TMEM108: variants seen among roughly 807,000 people sequenced by gnomAD.
TMEM108 encodes the protein cancer/testis antigen 124.
TMEM108 carries 12 observed loss-of-function variants against 35.1 expected under a neutral mutation model. The observed-to-expected ratio is 0.34, with a 90% CI of 0.22 to 0.55. TMEM108 has a LOEUF of 0.55. TMEM108 is among the 20% of genes least tolerant of loss of function. TMEM108 has a pLI of 0.89. For missense variants in TMEM108, 680 were observed against 753.3 expected, an observed-to-expected ratio of 0.90 and a Z score of 1.14; for synonymous variants, 287 against 308.6, an observed-to-expected ratio of 0.93 and a Z score of 0.73.
chr3:133,261,867 T>A (rs7648973), intron 3 of TMEM108, among the ~76,000 whole-genome samples: 50,930 of 152,094 alleles, frequency 0.33, 8,977 homozygotes, highest in East Asian at 0.48. Context: ...TATAGTTAGC[T>A]CAGTGTAAAG....
rs528135536 is a variant in TMEM108 at position 133,392,199 on chromosome 3, G to A, written c.1605+1865G>A. Among the ~76,000 whole-genome samples, 5 of 150,330 alleles carry A rather than the reference G, an allele frequency of 3.3e-5. No individual in the cohort carries two copies. In the South Asian group the frequency reaches 6.3e-4, roughly 19 times the overall value. Reference sequence around the variant, plus strand: ...TTTTTTGAGATGAAGTCTCAACTCCGTTGCCCAGACTGGAGTGCAGTGGTG... The same window carrying A: ...TTTTTTGAGATGAAGTCTCAACTCCATTGCCCAGACTGGAGTGCAGTGGTG... On this transcript the variant is annotated intron_variant, in intron 5 of 5. Coordinates refer to ENST00000321871, the MANE Select transcript of TMEM108 (RefSeq NM_023943.4).
intron 3 of TMEM108, among the ~76,000 whole-genome samples, chr3:133,335,839 C>T (rs907269217): frequency 1.3e-5 from 2 of 152,186 alleles, no homozygotes; most frequent in African/African-American, 2.4e-5. Flanking sequence ...ACCGATGGTA[C>T]CCTTCCCTCA....
intron 3 of TMEM108, among the ~76,000 whole-genome samples, chr3:133,232,640 T>A (rs1285496119): frequency 1.3e-5 from 2 of 152,228 alleles, no homozygotes; most frequent in Non-Finnish European, 2.9e-5. Flanking sequence ...TCACTGAGGC[T>A]TGTATGTGCC....
intron 2 of TMEM108, among the ~76,000 whole-genome samples, chr3:133,108,663 C>G (rs1944188397): frequency 1.3e-5 from 2 of 152,126 alleles, no homozygotes; most frequent in Admixed American, 1.3e-4. Context: ...GTTTCCATTG[C>G]TTTTGGTGTT....
At chr3:133,345,065 G>A (rs1042068973) in intron 3 of TMEM108, among the ~76,000 whole-genome samples, 1 of 151,732 alleles carries the variant, frequency 6.6e-6, no homozygotes, top group African/African-American at 2.4e-5. Context: ...AAAGCTTCTT[G>A]GTTTGTATTA....
chr3:133,390,084 A>T, intron 4 of TMEM108, 96 bp from the exon 5 acceptor site: 2 of 1,456,162 alleles, frequency 1.4e-6, no homozygotes, highest in Non-Finnish European at 1.9e-6. Flanking sequence ...CCATACACTT[A>T]CTCCAGCTGG....
chr3:133,282,097 C>G (rs1015005743), intron 3 of TMEM108, among the ~76,000 whole-genome samples: 2 of 151,944 alleles, frequency 1.3e-5, no homozygotes, highest in Non-Finnish European at 2.9e-5. Flanking sequence ...GCGGAGCTTG[C>G]AGTGAGCCGA....
Position 133,226,832 on chromosome 3 carries a change from T to C in TMEM108, c.-46-2434T>C, listed in dbSNP as rs746688973. 2.9e-4 allele frequency among the ~76,000 whole-genome samples: 44 copies of C among 152,224 alleles called. No individual in the cohort carries two copies. In the South Asian group the frequency reaches 4.4e-3, roughly 15 times the overall value. On this transcript the variant is annotated intron_variant, in intron 2 of 5. Coordinates refer to ENST00000321871, the MANE Select transcript of TMEM108 (RefSeq NM_023943.4). ...TAAAGACATACCCGCGACTGGGAAA[T>C]TTACAAAAGAAAGAGGTTTAATGGA...
At chr3:133,327,625 G>T (rs962309165) in intron 3 of TMEM108, among the ~76,000 whole-genome samples, 1 of 152,160 alleles carries the variant, frequency 6.6e-6, no homozygotes, top group South Asian at 2.1e-4. Context: ...GGTCAGAATG[G>T]ATGTGCAGTT....
chr3:133,200,771 C>A (rs186838958), intron 2 of TMEM108, among the ~76,000 whole-genome samples: 51 of 152,214 alleles, frequency 3.4e-4, no homozygotes, highest in African/African-American at 1.2e-3. Context: ...TTTGTCCCAG[C>A]CTTTATTAAC....
At chr3:133,264,221 T>G (rs1946664303) in intron 3 of TMEM108, among the ~76,000 whole-genome samples, 1 of 152,026 alleles carries the variant, frequency 6.6e-6, no homozygotes, top group Admixed American at 6.5e-5. Context: ...TCCCAACTGC[T>G]CAAACTCCAT....
intron 3 of TMEM108, among the ~76,000 whole-genome samples, chr3:133,293,441 T>C (rs1947100794): frequency 6.6e-6 from 1 of 151,082 alleles, no homozygotes; most frequent in South Asian, 2.1e-4. Context: ...GGGAATTAAA[T>C]TGTTGGCTAT....
chr3:133,274,997 T>C (rs1019455542), intron 3 of TMEM108, among the ~76,000 whole-genome samples: 2 of 152,212 alleles, frequency 1.3e-5, no homozygotes, highest in East Asian at 1.9e-4. Context: ...GATTTTCCTA[T>C]TTCCATCAGC....
chr3:133,046,266 C>T (rs1455014922), intron 2 of TMEM108, among the ~76,000 whole-genome samples: 1 of 152,070 alleles, frequency 6.6e-6, no homozygotes, highest in African/African-American at 2.4e-5. Flanking sequence ...TTAGTGAGTT[C>T]GTTTAGGGTG....
chr3:133,039,709 A>T (rs997982764), intron 1 of TMEM108, among the ~76,000 whole-genome samples: 1 of 152,178 alleles, frequency 6.6e-6, no homozygotes, highest in Non-Finnish European at 1.5e-5. Context: ...TGAAGATATT[A>T]CTGTGTTCTG....
chr3:133,259,407 CCTT>C, intron 3 of TMEM108, among the ~76,000 whole-genome samples: 1 of 152,228 alleles, frequency 6.6e-6, no homozygotes, highest in East Asian at 1.9e-4. Flanking sequence ...TAGCCTCCCT[CCTT>C]GGCTCAGATG....
At chr3:133,134,908 T>G (rs553580828) in intron 2 of TMEM108, among the ~76,000 whole-genome samples, 1 of 152,192 alleles carries the variant, frequency 6.6e-6, no homozygotes, top group Non-Finnish European at 1.5e-5. Flanking sequence ...GTTTAGAGGT[T>G]GTTTGCTCTA....
At chr3:133,198,069 A>C (rs1945605678) in intron 2 of TMEM108, among the ~76,000 whole-genome samples, 1 of 152,230 alleles carries the variant, frequency 6.6e-6, no homozygotes, top group South Asian at 2.1e-4. Flanking sequence ...TCCAGGCGTC[A>C]TGCCCCTGAG....
At chr3:133,211,714 T>G (rs1224279984) in intron 2 of TMEM108, among the ~76,000 whole-genome samples, 2 of 152,164 alleles carry the variant, frequency 1.3e-5, no homozygotes. Context: ...CCTCAGTGGC[T>G]GTGGAGAGCA....
Sources: gnomAD v4.1 joint callset for allele counts (sites outside exome capture counted in the v4.1 genomes callset) on GRCh38, gnomAD v4.1.1 for gene constraint, MANE v1.5 for transcripts, NCBI Gene and HGNC (gene_info 2026-07-23, HGNC 2026-07-21) for gene names.